HCRTR2: variants seen among roughly 807,000 people sequenced by gnomAD.
HCRTR2 encodes the protein orexin receptor type 2.
HCRTR2 carries 22 observed loss-of-function variants against 49.0 expected under a neutral mutation model. The observed-to-expected ratio is 0.45, with a 90% CI of 0.32 to 0.64. The LOEUF (loss-of-function observed/expected upper bound fraction) is 0.64, where lower values mean the gene tolerates loss of function less well. HCRTR2 is among the 30% of genes least tolerant of loss of function. The probability of loss-of-function intolerance (pLI) is 0.04; values close to 1 mark genes in which losing one functional copy is unlikely to be tolerated. For synonymous variants in HCRTR2, 236 were observed against 205.3 expected (o/e 1.15, Z -1.28); for missense variants, 491 against 559.4 (o/e 0.88, Z 1.23).
chr6:55,164,345 T>C (rs1764846873), intron 1 of HCRTR2, among the ~76,000 whole-genome samples: 1 of 152,188 alleles, frequency 6.6e-6, no homozygotes, highest in Admixed American at 6.5e-5. Context: ...TGTGGCACTA[T>C]TAACAATAGC....
At chr6:55,180,933 G>A (rs989237879) in intron 1 of HCRTR2, among the ~76,000 whole-genome samples, 1 of 151,328 alleles carries the variant, frequency 6.6e-6, no homozygotes, top group Non-Finnish European at 1.5e-5. Flanking sequence ...CCCAGTAGCT[G>A]GGATTACAGG....
At chr6:55,172,192 C>T (rs1000126597), upstream of HCRTR2, among the ~76,000 whole-genome samples, 3 of 152,154 alleles carry the variant, frequency 2.0e-5, no homozygotes, top group African/African-American at 7.2e-5. Context: ...TTCAAATTAA[C>T]AGAATGAAAT....
intron 1 of HCRTR2, among the ~76,000 whole-genome samples, chr6:55,218,026 T>A (rs3122157): frequency 2.0e-5 from 3 of 152,200 alleles, no homozygotes; most frequent in Non-Finnish European, 4.4e-5. Context: ...CTGGTGAGAA[T>A]CTTCTCATTG....
At chr6:55,126,310 C>T (rs1300940923) in intron 1 of HCRTR2, among the ~76,000 whole-genome samples, 2 of 150,146 alleles carry the variant, frequency 1.3e-5, no homozygotes, top group East Asian at 2.0e-4. Flanking sequence ...TTTGAGTGAG[C>T]CTGCTATTCC....
intron 4 of HCRTR2, 29 bp from the exon 5 acceptor site, chr6:55,277,351 C>A: frequency 6.4e-7 from 1 of 1,563,390 alleles, no homozygotes; most frequent in Non-Finnish European, 8.8e-7. Context: ...AGTCAAATTG[C>A]AATAAGGGTC....
chr6:55,122,565 A>G, intron 1 of HCRTR2, among the ~76,000 whole-genome samples: 1 of 151,942 alleles, frequency 6.6e-6, no homozygotes, highest in East Asian at 1.9e-4. Context: ...TAGGGTGTTA[A>G]TTTTAGATCT....
intron 1 of HCRTR2, among the ~76,000 whole-genome samples, chr6:55,147,647 A>G (rs951333287): frequency 5.9e-5 from 9 of 152,278 alleles, no homozygotes; most frequent in African/African-American, 1.9e-4. Flanking sequence ...TTATCTTTCT[A>G]TAATTCATTT....
chr6:55,254,939 T>C (rs1325694734), intron 2 of HCRTR2, among the ~76,000 whole-genome samples, 197 bp from the exon 3 acceptor site: 1 of 152,204 alleles, frequency 6.6e-6, no homozygotes, highest in Non-Finnish European at 1.5e-5. Flanking sequence ...AATTTACATT[T>C]AAAAGTATAT....
intron 1 of HCRTR2, among the ~76,000 whole-genome samples, chr6:55,230,769 T>A (rs1766099377): frequency 6.6e-6 from 1 of 152,094 alleles, no homozygotes; most frequent in South Asian, 2.1e-4. Flanking sequence ...AATGAATTAA[T>A]GAATAAAAAT....
At chr6:55,174,976 G>T (rs754963501) in intron 1 of HCRTR2, among the ~76,000 whole-genome samples, 166 bp downstream of exon 1, 2 of 152,110 alleles carry the variant, frequency 1.3e-5, no homozygotes, top group African/African-American at 2.4e-5. Flanking sequence ...AAAGTTTTCT[G>T]ATTTTCCGAA....
rs565715910 is a variant in HCRTR2 at position 55,160,538 on chromosome 6, G to A, written c.-377-13673G>A. On this transcript the variant is annotated intron_variant, in intron 1 of 7. Coordinates refer to the HCRTR2 transcript ENST00000615358. ...CTGCCCCAATTAAGAGACACAGACT[G>A]GCAAATTGGATAGAGAGTCAAGACC... Among the ~76,000 whole-genome samples, 90 of 152,248 alleles carry A rather than the reference G, an allele frequency of 5.9e-4. 3 individuals carry two copies. The South Asian group carries it at 0.017, about 29-fold the overall frequency.
chr6:55,146,335 A>G (rs1377379696), intron 1 of HCRTR2, among the ~76,000 whole-genome samples: 2 of 152,310 alleles, frequency 1.3e-5, no homozygotes, highest in Admixed American at 6.5e-5. Context: ...TTTGTATAGT[A>G]GCAAACAAAT....
At chr6:55,210,098 G>A (rs1443942194) in intron 1 of HCRTR2, among the ~76,000 whole-genome samples, 2 of 151,830 alleles carry the variant, frequency 1.3e-5, no homozygotes, top group African/African-American at 4.8e-5. Context: ...TTTATCTTTT[G>A]GAATGACACC....
chr6:55,274,963 T>G (rs969378413), intron 4 of HCRTR2, among the ~76,000 whole-genome samples: 1 of 152,188 alleles, frequency 6.6e-6, no homozygotes, highest in Non-Finnish European at 1.5e-5. Flanking sequence ...TATCTGGGCC[T>G]GGAGATTTTC....
chr6:55,174,398 G>A, upstream of HCRTR2: 1 of 639,004 alleles, frequency 1.6e-6, no homozygotes, highest in African/African-American at 1.8e-5. Flanking sequence ...TGTAAAGACA[G>A]CAAAGCCACC....
At chr6:55,242,378 C>T (rs1335007162) in intron 1 of HCRTR2, among the ~76,000 whole-genome samples, 1 of 132,594 alleles carries the variant, frequency 7.5e-6, no homozygotes, top group African/African-American at 3.1e-5. Context: ...CTTCTCCTAG[C>T]CCCTGGGGGA....
At chr6:55,143,441 A>T (rs1465939653) in intron 1 of HCRTR2, among the ~76,000 whole-genome samples, 1 of 152,224 alleles carries the variant, frequency 6.6e-6, no homozygotes, top group South Asian at 2.1e-4. Flanking sequence ...TCCCTGCAAG[A>T]TTAAAACAAA....
At chr6:55,149,221 GA>G in intron 1 of HCRTR2, among the ~76,000 whole-genome samples, 1 of 151,814 alleles carries the variant, frequency 6.6e-6, no homozygotes, top group East Asian at 1.9e-4. Context: ...TTGTTTTGTG[GA>G]AAAAATTACT....
intron 1 of HCRTR2, among the ~76,000 whole-genome samples, chr6:55,151,502 C>A (rs530253265): frequency 3.3e-5 from 5 of 152,042 alleles, no homozygotes; most frequent in Admixed American, 2.6e-4. Context: ...GTAATTCAGT[C>A]ACATCTTCAG....
Sources: allele counts gnomAD v4.1 joint callset (sites outside exome capture counted in the v4.1 genomes callset), GRCh38; gene constraint gnomAD v4.1.1; transcripts MANE v1.5; gene names NCBI Gene and HGNC (gene_info 2026-07-23, HGNC 2026-07-21).